The following ABTB3 variants were observed in gnomAD, a reference collection of about 807,000 sequenced individuals.
The protein encoded by ABTB3 is ankyrin repeat and BTB domain containing 3, also known as ankyrin repeat- and BTB/POZ domain-containing protein 3.
chr12:107,350,073 A>G, the ABTB3 span, among the ~76,000 whole-genome samples: 1 of 152,230 alleles, frequency 6.6e-6, no homozygotes, highest in Non-Finnish European at 1.5e-5. Context: ...GTAATCCAGG[A>G]GGCTGAACTC....
At chr12:107,340,199 T>C in the ABTB3 span, among the ~76,000 whole-genome samples, 1 of 152,064 alleles carries the variant, frequency 6.6e-6, no homozygotes, top group South Asian at 2.1e-4. Flanking sequence ...TGTGTTGGAG[T>C]TGATAATTTT....
the ABTB3 span, among the ~76,000 whole-genome samples, chr12:107,394,189 A>G: frequency 6.6e-6 from 1 of 152,098 alleles, no homozygotes; most frequent in Non-Finnish European, 1.5e-5. Context: ...TGATTCTTCC[A>G]GTAGTTCTTC....
the ABTB3 span, among the ~76,000 whole-genome samples, chr12:107,587,866 C>T: frequency 6.6e-6 from 1 of 152,140 alleles, no homozygotes; most frequent in South Asian, 2.1e-4. Context: ...AGTATCAGTT[C>T]CCTAGGGCTG....
chr12:107,467,472 A>T, the ABTB3 span, among the ~76,000 whole-genome samples: 1 of 152,184 alleles, frequency 6.6e-6, no homozygotes, highest in Non-Finnish European at 1.5e-5. Context: ...GTCGTCAGCA[A>T]CAACCAGAGC....
the ABTB3 span, among the ~76,000 whole-genome samples, chr12:107,637,819 TG>T: frequency 2.7e-5 from 4 of 149,088 alleles, no homozygotes; most frequent in Admixed American, 2.7e-4. Context: ...TGTGTGTGTG[TG>T]TGTGTGTGTG....
chr12:107,381,876 G>A, the ABTB3 span, among the ~76,000 whole-genome samples: 3 of 152,170 alleles, frequency 2.0e-5, no homozygotes, highest in African/African-American at 7.2e-5. Flanking sequence ...GGCATTGGGA[G>A]GATTAAATGA....
the ABTB3 span, among the ~76,000 whole-genome samples, chr12:107,524,630 A>C: frequency 5.3e-5 from 8 of 152,188 alleles, no homozygotes; most frequent in Admixed American, 5.2e-4. Flanking sequence ...TCCTCATTCG[A>C]TGATATGGGA....
chr12:107,571,552 C>T, the ABTB3 span, among the ~76,000 whole-genome samples: 5 of 152,278 alleles, frequency 3.3e-5, no homozygotes, highest in African/African-American at 4.8e-5. Flanking sequence ...CTAGAGCCAC[C>T]TCTCCCAGGA....
the ABTB3 span, among the ~76,000 whole-genome samples, chr12:107,495,895 A>G: frequency 1.3e-5 from 2 of 152,210 alleles, no homozygotes; most frequent in Non-Finnish European, 2.9e-5. Context: ...TACATGACAT[A>G]AGATATTAAA....
chr12:107,419,195 C>A, the ABTB3 span, among the ~76,000 whole-genome samples: 1 of 152,242 alleles, frequency 6.6e-6, no homozygotes, highest in South Asian at 2.1e-4. Context: ...GGGGAACCAG[C>A]TGGGTGGAAT....
the ABTB3 span, among the ~76,000 whole-genome samples, chr12:107,579,862 T>A: frequency 2.6e-5 from 4 of 152,224 alleles, no homozygotes; most frequent in Admixed American, 1.3e-4. Context: ...CTTTTGCATC[T>A]ACGTAGTGCA....
At chr12:107,359,319 A>G in the ABTB3 span, among the ~76,000 whole-genome samples, 1 of 152,202 alleles carries the variant, frequency 6.6e-6, no homozygotes, top group Non-Finnish European at 1.5e-5. Context: ...ACTGAGGCCT[A>G]GAAGGGAGAA....
At chr12:107,573,856 C>T in the ABTB3 span, among the ~76,000 whole-genome samples, 1 of 152,194 alleles carries the variant, frequency 6.6e-6, no homozygotes. Flanking sequence ...CTGCTTTACT[C>T]AAAGCCTACT....
At chr12:107,560,911 G>A in the ABTB3 span, among the ~76,000 whole-genome samples, 2 of 152,174 alleles carry the variant, frequency 1.3e-5, no homozygotes, top group Non-Finnish European at 2.9e-5. Flanking sequence ...TTTAAAATGT[G>A]GCTCTATCTT....
At chr12:107,393,774 C>T in the ABTB3 span, among the ~76,000 whole-genome samples, 6 of 151,926 alleles carry the variant, frequency 3.9e-5, no homozygotes, top group African/African-American at 1.5e-4. Context: ...ACAAAAAACA[C>T]AAAAAATTAG....
chr12:107,454,655 G>A, the ABTB3 span, among the ~76,000 whole-genome samples: 1 of 152,166 alleles, frequency 6.6e-6, no homozygotes, highest in Non-Finnish European at 1.5e-5. Context: ...CAGATTGGAG[G>A]TGGGAAGGCA....
At chr12:107,433,024 G>C in the ABTB3 span, among the ~76,000 whole-genome samples, 1 of 152,086 alleles carries the variant, frequency 6.6e-6, no homozygotes, top group Non-Finnish European at 1.5e-5. Context: ...GGTGGCTCAC[G>C]CCTGTAATCC....
the ABTB3 span, chr12:107,320,600 T>C: frequency 2.2e-6 from 1 of 456,030 alleles, no homozygotes; most frequent in Non-Finnish European, 4.4e-6. Context: ...ACCGGCTGAA[T>C]GGTTGAAAGC....
At chr12:107,576,910 C>T in the ABTB3 span, among the ~76,000 whole-genome samples, 1 of 152,134 alleles carries the variant, frequency 6.6e-6, no homozygotes, top group Non-Finnish European at 1.5e-5. Context: ...ACTTTCTGTC[C>T]CTATCACTAG....
Sources: gnomAD v4.1 joint callset for allele counts (sites outside exome capture counted in the v4.1 genomes callset) on GRCh38, gnomAD v4.1.1 for gene constraint, MANE v1.5 for transcripts, NCBI Gene and HGNC (gene_info 2026-07-23, HGNC 2026-07-21) for gene names.